The following BST1 variants were observed in gnomAD, a reference collection of about 807,000 sequenced individuals.
The protein encoded by BST1 is ADP-ribosyl cyclase/cyclic ADP-ribose hydrolase 2.
Under a neutral mutation model 40.6 loss-of-function variants are expected in BST1, and 49 were observed. The ratio of observed to expected loss-of-function variants is 1.21; its 90% CI spans 0.96 to 1.53. The LOEUF (loss-of-function observed/expected upper bound fraction) is 1.53, where lower values mean the gene tolerates loss of function less well. Among genes scored for constraint, BST1 ranks in the 40% most tolerant of loss-of-function variants. The pLI is 0.00. For missense variants in BST1, 423 were observed against 395.9 expected (o/e 1.07, Z -0.58); for synonymous variants, 157 against 159.3 (o/e 0.99, Z 0.11).
intron 6 of BST1, among the ~76,000 whole-genome samples, chr4:15,718,263 G>GTGTC (rs1253523022): frequency 6.6e-6 from 1 of 151,822 alleles, no homozygotes; most frequent in East Asian, 1.9e-4. Flanking sequence ...GTGTGTGTGT[G>GTGTC]TGTGTGTCTG....
At chr4:15,728,435 A>C (rs1201334253) in intron 8 of BST1, among the ~76,000 whole-genome samples, 1 of 150,960 alleles carries the variant, frequency 6.6e-6, no homozygotes, top group African/African-American at 2.4e-5. Flanking sequence ...ACTATTAAGT[A>C]ACTAATTCTT....
At chr4:15,751,581 T>A in the BST1 span, among the ~76,000 whole-genome samples, 9,266 of 152,096 alleles carry the variant, frequency 0.061, 399 homozygotes, top group East Asian at 0.16. Context: ...TAGTCACTAT[T>A]GTGTATACAG....
In BST1 at chr4:15,711,889, G is replaced by C. The variant is rs770994354; in HGVS notation, c.534G>C (p.Gln178His). 6 of 1,611,868 alleles carry C rather than the reference G, an allele frequency of 3.7e-6. No individual in the cohort carries two copies. The highest frequency in any genetic ancestry group is 3.3e-4 in the Middle Eastern group (2 of 6,058). The change falls in exon 4 of 9, where the codon CAG becomes CAC. Residue 178 changes from glutamine (Q) to histidine (H), a missense_variant and splice_region_variant. By Grantham distance (24) the Gln-to-His change is conservative (BLOSUM62 0). Transcript: ENST00000265016. Reference sequence around the variant, plus strand: ...CCTTTTGGAAAAGGGCATCCATCCAGGTAATGCTGGGATGATATCTGAGTG... The same window carrying C: ...CCTTTTGGAAAAGGGCATCCATCCACGTAATGCTGGGATGATATCTGAGTG... ...VDSFWKRASI[Q>H]YSKDSSGVIH...
rs1719956533 is a variant in BST1 at position 15,707,646 on chromosome 4, G to T, written c.451G>T (p.Gly151Ter). Residue 151 changes from glycine to a stop codon, truncating the protein, a stop_gained and splice_region_variant, in exon 3 of 9, where the codon GGA (glycine) becomes TGA (stop). Transcript: ENST00000265016. LOFTEE classifies it high-confidence loss of function. The stretch of plus-strand genomic sequence containing the variant: ...CTGGTGTCGACAGAAAAATGACTCT[G>T]GTAAGACTCCTGCACAAATCACAGG... Reference protein sequence around the residue: ...LSWCRQKNDSGLDYQSCPTSE... With the variant: ...LSWCRQKNDS 1 of 1,613,782 alleles carries T rather than the reference G, an allele frequency of 6.2e-7. No homozygotes were observed. Among genetic ancestry groups the T allele is most frequent in the Non-Finnish European group, 8.5e-7 (1 of 1,179,932 alleles).
chr4:15,773,998 T>A, the BST1 span, among the ~76,000 whole-genome samples: 1 of 152,184 alleles, frequency 6.6e-6, no homozygotes, highest in Non-Finnish European at 1.5e-5. Context: ...TACCTTAGAA[T>A]GTGGCTGTAT....
intron 2 of BST1, among the ~76,000 whole-genome samples, chr4:15,706,979 G>C (rs1370944859): frequency 6.6e-6 from 1 of 152,124 alleles, no homozygotes; most frequent in Non-Finnish European, 1.5e-5. Flanking sequence ...TTGTGTTATT[G>C]TTATATAAAA....
the BST1 span, among the ~76,000 whole-genome samples, chr4:15,772,275 C>G: frequency 6.6e-5 from 10 of 152,066 alleles, no homozygotes; most frequent in Non-Finnish European, 1.0e-4. Context: ...GGTGGCAAAC[C>G]TTCTTGCATG....
At position 15,707,549 on chromosome 4, in the gene BST1, C is replaced by T; in HGVS notation, c.354C>T (p.Ser118=). The T allele has an allele frequency of 1.9e-6, 3 of 1,613,996 alleles. No individual in the cohort carries two copies. Among genetic ancestry groups the T allele is most frequent in the Non-Finnish European group, 2.5e-6 (3 of 1,179,986 alleles). ...AAAATAGCCACCTCCTTGTTAACAGCTTTGCAGACAACACCCGTCGTTTTA... is the reference window on the plus strand; with the variant it reads ...AAAATAGCCACCTCCTTGTTAACAGTTTTGCAGACAACACCCGTCGTTTTA... The part of the protein sequence containing the change: ...FWENSHLLVN[S]FADNTRRFMP... The change falls in exon 3 of 9, where the codon AGC becomes AGT. Residue 118 remains serine, a synonymous_variant. Coordinates refer to ENST00000265016, the MANE Select transcript of BST1 (RefSeq NM_004334.3).
the BST1 span, among the ~76,000 whole-genome samples, chr4:15,756,573 T>C: frequency 1.3e-5 from 2 of 152,212 alleles, no homozygotes; most frequent in Non-Finnish European, 2.9e-5. Flanking sequence ...CATTTTGACA[T>C]AGGACGTGTT....
chr4:15,711,490 A>G (rs551349722), intron 3 of BST1, among the ~76,000 whole-genome samples: 1 of 152,182 alleles, frequency 6.6e-6, no homozygotes, highest in Admixed American at 6.5e-5. Context: ...GTTTTTAAAC[A>G]TTGTTGAGAA....
chr4:15,707,507 T>G lies in BST1; in HGVS notation c.316-4T>G. 6.2e-7 allele frequency: 1 copy of G among 1,613,494 alleles called. No homozygotes were observed. The highest frequency in any genetic ancestry group is 1.1e-5 in the South Asian group (1 of 91,054). ...ATTTTGATGTTTTGTTTGTCTTTCC[T>G]TAGTCCCTGTTCTGGGAAAATAGCC... On this transcript the variant is annotated splice_polypyrimidine_tract_variant and splice_region_variant and intron_variant, in intron 2 of 8. Transcript: ENST00000265016.
At chr4:15,766,929 G>A in the BST1 span, among the ~76,000 whole-genome samples, 11 of 151,654 alleles carry the variant, frequency 7.3e-5, no homozygotes, top group African/African-American at 2.0e-4. Flanking sequence ...ATGCCCACAC[G>A]TTGCTGCATC....
intron 7 of BST1, among the ~76,000 whole-genome samples, chr4:15,721,371 G>C (rs969860756): frequency 6.6e-6 from 1 of 152,110 alleles, no homozygotes; most frequent in Non-Finnish European, 1.5e-5. Flanking sequence ...TGTTGAATCA[G>C]ACTCAGTGAA....
In BST1 at chr4:15,709,945, TTTTATTTA is replaced by T. The variant is rs1050776160; in HGVS notation, c.452-1848_452-1841del. Among the ~76,000 whole-genome samples the T allele has an allele frequency of 3.3e-5, 5 of 151,970 alleles. No homozygotes were observed. The East Asian group carries it at 5.8e-4, about 18-fold the overall frequency. ...AACCATTGACAGCAGCTCTTTTTTA[TTTTATTTA>T]TTTATTTATTTATATTTTAAAATCA... is the stretch of plus-strand genomic sequence containing the variant. On this transcript the variant is annotated intron_variant, in intron 3 of 8. Coordinates refer to ENST00000265016, the MANE Select transcript of BST1 (RefSeq NM_004334.3).
At chr4:15,724,443 T>C (rs1041112517) in intron 8 of BST1, among the ~76,000 whole-genome samples, 2 of 152,174 alleles carry the variant, frequency 1.3e-5, no homozygotes, top group African/African-American at 4.8e-5. Flanking sequence ...TCCCAGCACT[T>C]TGGGAGGCTG....
At chr4:15,763,781 C>A in the BST1 span, among the ~76,000 whole-genome samples, 4 of 151,890 alleles carry the variant, frequency 2.6e-5, no homozygotes, top group Non-Finnish European at 4.4e-5. Context: ...CATAAAGGAA[C>A]CTTAAATGCA....
At chr4:15,771,411 C>G in the BST1 span, among the ~76,000 whole-genome samples, 16 of 152,166 alleles carry the variant, frequency 1.1e-4, no homozygotes, top group Non-Finnish European at 2.1e-4. Context: ...CGTTTGTAGC[C>G]AAGCTTCTTG....
At chr4:15,713,850 C>A (rs1236849990) in intron 4 of BST1, among the ~76,000 whole-genome samples, 1 of 151,746 alleles carries the variant, frequency 6.6e-6, no homozygotes, top group Non-Finnish European at 1.5e-5. Context: ...ACTACAGGTG[C>A]GTGTCACCAT....
intron 4 of BST1, among the ~76,000 whole-genome samples, chr4:15,713,223 T>A (rs905381471): frequency 6.1e-5 from 9 of 147,794 alleles, no homozygotes; most frequent in African/African-American, 2.2e-4. Context: ...TTTTTTTTTT[T>A]TTTTGAGACG....
Sources: gnomAD v4.1 joint callset for allele counts (sites outside exome capture counted in the v4.1 genomes callset) on GRCh38, gnomAD v4.1.1 for gene constraint, MANE v1.5 for transcripts, NCBI Gene and HGNC (gene_info 2026-07-23, HGNC 2026-07-21) for gene names.